Variants in CFAP206 observed in about 807,000 individuals in gnomAD.
CFAP206 encodes the protein cilia- and flagella-associated protein 206.
In CFAP206, 53 loss-of-function variants were observed where a neutral mutation model predicts 65.4. The ratio of observed to expected loss-of-function variants is 0.81; its 90% confidence interval spans 0.65 to 1.02. The LOEUF (loss-of-function observed/expected upper bound fraction) is 1.02, where lower values mean the gene tolerates loss of function less well. CFAP206 is among the 50% of genes least tolerant of loss of function. The pLI is 0.00. For missense variants in CFAP206, 663 were observed against 753.2 expected, an observed-to-expected ratio of 0.88 and a Z score of 1.40; for synonymous variants, 250 against 254.4, an observed-to-expected ratio of 0.98 and a Z score of 0.17.
At chr6:87,449,607 C>T (rs1768507597) in intron 11 of CFAP206, among the ~76,000 whole-genome samples, 1 of 152,002 alleles carries the variant, frequency 6.6e-6, no homozygotes, top group African/African-American at 2.4e-5. Flanking sequence ...ACCTGTTGGC[C>T]ATTTGTATAT....
rs1224336732 is a variant in CFAP206 at position 87,426,555 on chromosome 6, G to A, written c.870G>A (p.Val290=). 7 of 1,593,502 alleles carry A rather than the reference G, an allele frequency of 4.4e-6. No homozygotes were observed. Among genetic ancestry groups the A allele is most frequent in the South Asian group, 1.1e-5 (1 of 86,984 alleles). The change falls in exon 8 of 13, where the codon GTG becomes GTA. Residue 290 remains valine (V), a synonymous_variant. Coordinates refer to ENST00000369562, the MANE Select transcript of CFAP206 (RefSeq NM_001031743.3). ...LSDIITGAQE[V]EMMTKQLGAH... ...ATATAATTACTGGTGCTCAAGAAGT[G>A]GAAATGATGACAAAACAGTTAGGAG...
intron 10 of CFAP206, among the ~76,000 whole-genome samples, chr6:87,431,486 C>T (rs897964724): frequency 6.6e-6 from 1 of 152,232 alleles, no homozygotes; most frequent in African/African-American, 2.4e-5. Flanking sequence ...ACGACATTGG[C>T]TGCATGCAGT....
chr6:87,461,943 G>A (rs1022960062), intron 12 of CFAP206, among the ~76,000 whole-genome samples: 9 of 152,164 alleles, frequency 5.9e-5, no homozygotes, highest in African/African-American at 2.2e-4. Context: ...GCCTTCAGAT[G>A]TTCTCTGATT....
intron 11 of CFAP206, among the ~76,000 whole-genome samples, chr6:87,449,608 A>G (rs1768507632): frequency 6.6e-6 from 1 of 152,098 alleles, no homozygotes; most frequent in African/African-American, 2.4e-5. Flanking sequence ...CCTGTTGGCC[A>G]TTTGTATATT....
rs183010552 is a variant in CFAP206, at chr6:87,428,784, G to A, written c.1119G>A (p.Ala373=). The A allele has an allele frequency of 7.4e-6, 12 of 1,614,078 alleles. No individual in the cohort carries two copies. The East Asian group carries it at 8.9e-5, about 12-fold the overall frequency. The change falls in exon 9 of 13, where the codon GCG becomes GCA. Residue 373 remains alanine (A), a synonymous_variant. Transcript: ENST00000369562. ...TGATGCAATGTCATCTTAATGGAGC[G>A]ACTGTGAAAACTGATGTGTGTAGAA... is the stretch of plus-strand genomic sequence containing the variant. ...ERVMQCHLNG[A]TVKTDVCRMK... is the part of the protein sequence containing the mutation.
At position 87,456,808 on chromosome 6, in the gene CFAP206, AGAAGT is replaced by A. The variant is rs762466941; in HGVS notation, c.1495-4210_1495-4206del. Among the ~76,000 whole-genome samples, 107 of 152,326 alleles carry A rather than the reference AGAAGT, an allele frequency of 7.0e-4. 1 individual carries two copies. The highest frequency in any genetic ancestry group is 1.1e-3 in the Non-Finnish European group (75 of 68,026). ...AAAACCTAGGAATAAACTTAACCAAAGAAGTGAAAGATCTCTATGAAGATAACTAT... is the reference window on the plus strand; with the variant it reads ...AAAACCTAGGAATAAACTTAACCAAAGAAAGATCTCTATGAAGATAACTAT... On this transcript the variant is annotated intron_variant, in intron 11 of 12. Coordinates refer to ENST00000369562, the MANE Select transcript of CFAP206 (RefSeq NM_001031743.3).
rs117682553 is a variant in CFAP206 at position 87,453,942 on chromosome 6, T to C, written c.1495-7080T>C. On this transcript the variant is annotated intron_variant, in intron 11 of 12. Coordinates refer to ENST00000369562, the MANE Select transcript of CFAP206 (RefSeq NM_001031743.3). ...ACAATTCTCCAATCAAAAGACAGAG[T>C]AGCTGAATGGATTTAAAAAAACAAG... Among the ~76,000 whole-genome samples the C allele has an allele frequency of 2.0e-3, 301 of 151,442 alleles. 10 individuals carry two copies. In the East Asian group the frequency reaches 0.054, roughly 27 times the overall value.
intron 4 of CFAP206, 108 bp downstream of exon 4, chr6:87,414,008 A>G (rs1767783093): frequency 1.9e-6 from 1 of 521,940 alleles, no homozygotes. Flanking sequence ...CAATTTAACA[A>G]TTTAATTTTT....
At chr6:87,426,179 ATTAAT>A (rs1768040203) in intron 7 of CFAP206, 1 of 153,254 alleles carries the variant, frequency 6.5e-6, no homozygotes, top group Non-Finnish European at 1.5e-5. Context: ...GGAACCCCTA[ATTAAT>A]TTTATCATTG....
intron 11 of CFAP206, among the ~76,000 whole-genome samples, chr6:87,439,879 T>A (rs6915077): frequency 0.27 from 41,577 of 151,674 alleles, 5,900 homozygotes; most frequent in Admixed American, 0.38. Flanking sequence ...TATTCAATTT[T>A]AAAAAAAATC....
chr6:87,453,453 G>A (rs1476855753), intron 11 of CFAP206, among the ~76,000 whole-genome samples: 1 of 152,118 alleles, frequency 6.6e-6, no homozygotes, highest in East Asian at 1.9e-4. Flanking sequence ...TAATTGTTGT[G>A]TGTAAACTAT....
chr6:87,435,402 C>T lies in CFAP206; in HGVS notation c.1494+349C>T, dbSNP rs115001881. 5.2e-3 allele frequency: 879 copies of T among 168,192 alleles called. 7 individuals are homozygous for T. The highest frequency in any genetic ancestry group is 0.02 in the African/African-American group (837 of 41,824). The allele number at this position is 168,192 out of a possible 1,614,324, so 10.4% of individuals were successfully genotyped here. A position where few individuals can be genotyped will look rare whatever the true frequency, so the allele number is the denominator to read the frequency against. On this transcript the variant is annotated intron_variant, in intron 11 of 12. Coordinates refer to ENST00000369562, the MANE Select transcript of CFAP206 (RefSeq NM_001031743.3). ...GTAACTTATACTCAGAGCTGCAAAA[C>T]AATTTAACAGGTTTAAATTGTAGTA...
chr6:87,416,836 A>G lies in CFAP206; in HGVS notation c.631+9A>G. 6.2e-7 allele frequency: 1 copy of G among 1,610,160 alleles called. No individual in the cohort carries two copies. Among genetic ancestry groups the G allele is most frequent in the Non-Finnish European group, 8.5e-7 (1 of 1,177,382 alleles). ...AGAAGGCATTGATGATTGTAGGTAT[A>G]TCATTAGATTAATTCTAAAGGTTAT... On this transcript the variant is annotated intron_variant, in intron 6 of 12. Transcript: ENST00000369562.
At position 87,448,525 on chromosome 6, in the gene CFAP206, C is replaced by T. The variant is rs755446355; in HGVS notation, c.1495-12497C>T. On this transcript the variant is annotated intron_variant, in intron 11 of 12. Coordinates refer to ENST00000369562, the MANE Select transcript of CFAP206 (RefSeq NM_001031743.3). Reference sequence around the variant, plus strand: ...GTGTTGGGAACATTCAGAATCCTCTCCTCTGGCTATTTTGAAATATAAAAT... The same window carrying T: ...GTGTTGGGAACATTCAGAATCCTCTTCTCTGGCTATTTTGAAATATAAAAT... Among the ~76,000 whole-genome samples the T allele has an allele frequency of 3.3e-5, 5 of 152,252 alleles. No homozygotes were observed. The South Asian group carries it at 6.2e-4, about 19-fold the overall frequency.
intron 11 of CFAP206, among the ~76,000 whole-genome samples, chr6:87,450,216 T>G (rs1268198938): frequency 6.6e-6 from 1 of 152,242 alleles, no homozygotes; most frequent in Non-Finnish European, 1.5e-5. Context: ...TTGGTTACTA[T>G]AGCTTTGTAG....
intron 4 of CFAP206, 114 bp downstream of exon 4, chr6:87,414,014 T>C: frequency 2.0e-6 from 1 of 497,622 alleles, no homozygotes; most frequent in Non-Finnish European, 3.3e-6. Context: ...AACAATTTAA[T>C]TTTTGGCAAT....
In CFAP206 at chr6:87,424,290, A is replaced by T. The variant is rs535530953; in HGVS notation, c.841-2236A>T. 1.3e-4 allele frequency among the ~76,000 whole-genome samples: 20 copies of T among 151,470 alleles called. No homozygotes were observed. The South Asian group carries it at 2.1e-3, about 16-fold the overall frequency. On this transcript the variant is annotated intron_variant, in intron 7 of 12. Coordinates refer to ENST00000369562, the MANE Select transcript of CFAP206 (RefSeq NM_001031743.3). ...AGAATAAATATAATTATTTTTTTTT[A>T]TTTTTTTGGGACAGAGTCTCGCTCT...
At chr6:87,409,119 C>A (rs9450671) in intron 1 of CFAP206, among the ~76,000 whole-genome samples, 46,746 of 151,708 alleles carry the variant, frequency 0.31, 7,373 homozygotes, top group African/African-American at 0.39. Flanking sequence ...TAGTACAGTT[C>A]TGAAGGGTCA....
At chr6:87,417,608 T>C (rs528989244) in intron 6 of CFAP206, among the ~76,000 whole-genome samples, 2 of 151,656 alleles carry the variant, frequency 1.3e-5, no homozygotes, top group South Asian at 4.2e-4. Context: ...GAAGGGTCAG[T>C]GGCTTTTCTG....
Sources: allele counts gnomAD v4.1 joint callset (sites outside exome capture counted in the v4.1 genomes callset), GRCh38; gene constraint gnomAD v4.1.1; transcripts MANE v1.5; gene names NCBI Gene and HGNC (gene_info 2026-07-23, HGNC 2026-07-21).